TENM2: variants seen among roughly 807,000 people sequenced by gnomAD.
The protein encoded by TENM2 is teneurin transmembrane protein 2.
A neutral mutation model predicts 245.2 loss-of-function variants in TENM2; 52 were observed. That is an observed-to-expected ratio of 0.21 (90% confidence interval 0.17 to 0.27). The LOEUF (loss-of-function observed/expected upper bound fraction) is 0.27. Ranked by LOEUF, TENM2 falls within the 10% of genes least tolerant of loss-of-function variation. The pLI is 1.00. For missense variants in TENM2, 3,046 were observed against 3,666.8 expected (o/e 0.83, Z 4.37); for synonymous variants, 1,363 against 1,438.9 (o/e 0.95, Z 1.19).
rs547284715 is a variant in TENM2 at position 167,601,511 on chromosome 5, T to C, written c.502+226038T>C. ...AAAAACAGGACAGAGTATACACAAG[T>C]TTAATTTAACATTTACTCCGTGAGC... is the stretch of plus-strand genomic sequence containing the variant. On this transcript the variant is annotated intron_variant, in intron 2 of 28. Transcript: ENST00000518659. 9.2e-5 allele frequency among the ~76,000 whole-genome samples: 14 copies of C among 152,338 alleles called. No homozygotes were observed. The East Asian group carries it at 2.3e-3, about 25-fold the overall frequency.
chr5:168,090,871 A>G lies in TENM2; in HGVS notation c.1711+102A>G, dbSNP rs1464233699. The G allele has an allele frequency of 4.6e-5, 46 of 1,010,330 alleles. No homozygotes were observed. The East Asian group carries it at 1.1e-3, about 24-fold the overall frequency. 62.6% of individuals were successfully genotyped at this position (1,010,330 alleles called of 1,614,324 possible). ...TCTTCTAAGGTAGTTTCTACTACAG[A>G]TGACAACCAACCAGGATCCTTTGTT... On this transcript the variant is annotated intron_variant, in intron 8 of 28. Coordinates refer to ENST00000518659, the Ensembl canonical transcript of TENM2.
intron 13 of TENM2, among the ~76,000 whole-genome samples, chr5:168,168,720 T>A (rs1489297342): frequency 1.3e-5 from 2 of 151,974 alleles, no homozygotes; most frequent in Non-Finnish European, 2.9e-5. Context: ...GATATCTTTA[T>A]GTTTAGGTCC....
chr5:168,156,836 T>C (rs1433474732), intron 12 of TENM2, among the ~76,000 whole-genome samples: 1 of 152,198 alleles, frequency 6.6e-6, no homozygotes, highest in Non-Finnish European at 1.5e-5. Context: ...CAACTACTTA[T>C]TGAATACTGG....
intron 2 of TENM2, among the ~76,000 whole-genome samples, chr5:167,393,284 G>A (rs1761870319): frequency 6.6e-6 from 1 of 152,090 alleles, no homozygotes; most frequent in Admixed American, 6.6e-5. Flanking sequence ...AAATGGTATG[G>A]GAAAAAGAAG....
chr5:167,612,908 A>G (rs987330885), intron 2 of TENM2, among the ~76,000 whole-genome samples: 9 of 152,126 alleles, frequency 5.9e-5, no homozygotes, highest in African/African-American at 2.2e-4. Context: ...AGTTTCCAGT[A>G]ACAAAAATAG....
At chr5:167,573,296 A>G (rs1033694745) in intron 2 of TENM2, among the ~76,000 whole-genome samples, 5 of 152,186 alleles carry the variant, frequency 3.3e-5, no homozygotes, top group African/African-American at 7.2e-5. Flanking sequence ...TATACCACAC[A>G]GTTAAATGCC....
At chr5:168,090,475 G>T (rs930348584) in intron 7 of TENM2, 99 bp from the exon 10 acceptor site, 5 of 1,036,838 alleles carry the variant, frequency 4.8e-6, no homozygotes, top group South Asian at 3.7e-5. Flanking sequence ...TACAAAAAAG[G>T]TCTTTCTCCA....
intron 2 of TENM2, among the ~76,000 whole-genome samples, chr5:167,827,641 A>AGGGG (rs1768099072): frequency 4.8e-5 from 5 of 104,186 alleles, no homozygotes; most frequent in African/African-American, 1.8e-4. Flanking sequence ...GGGGGGGGGA[A>AGGGG]CAGTTTAATG....
chr5:167,871,389 C>T lies in TENM2; in HGVS notation c.503-4597C>T, dbSNP rs1194400055. The stretch of plus-strand genomic sequence containing the variant: ...CACTACCAATCTATCAGAGTTAGCA[C>T]AAAACTGGCTATCGGTACTTTAATC... On this transcript the variant is annotated intron_variant, in intron 2 of 28. Transcript: ENST00000518659. Among the ~76,000 whole-genome samples the T allele has an allele frequency of 3.3e-5, 5 of 151,250 alleles. 1 individual carries two copies. Among genetic ancestry groups the T allele is most frequent in the African/African-American group, 1.2e-4 (5 of 40,902 alleles).
intron 2 of TENM2, among the ~76,000 whole-genome samples, chr5:167,395,921 C>A (rs1762025672): frequency 1.3e-5 from 2 of 152,056 alleles, no homozygotes; most frequent in South Asian, 4.1e-4. Flanking sequence ...TCTCATACCC[C>A]TGTTAGGATG....
At chr5:167,835,486 C>T (rs1768905351) in intron 2 of TENM2, among the ~76,000 whole-genome samples, 1 of 152,128 alleles carries the variant, frequency 6.6e-6, no homozygotes, top group Admixed American at 6.5e-5. Flanking sequence ...CAAGAGTTGC[C>T]CTCTGCCCCT....
chr5:168,140,749 T>C (rs920059252), intron 12 of TENM2, among the ~76,000 whole-genome samples: 1 of 152,232 alleles, frequency 6.6e-6, no homozygotes, highest in Non-Finnish European at 1.5e-5. Flanking sequence ...TAATAATTTG[T>C]GCTGCTTGGG....
the TENM2 span, among the ~76,000 whole-genome samples, chr5:167,242,046 G>GTTTTTTTTTTTTT: frequency 3.0e-4 from 39 of 131,498 alleles, no homozygotes; most frequent in African/African-American, 1.1e-3. Flanking sequence ...TTTGTTTTTT[G>GTTTTTTTTTTTTT]TTTTTTTTTT....
chr5:168,230,102 A>C (rs182483478), intron 25 of TENM2, among the ~76,000 whole-genome samples: 4 of 152,214 alleles, frequency 2.6e-5, no homozygotes, highest in Admixed American at 2.6e-4. Flanking sequence ...TAATAATGGT[A>C]CTTGTGGTAA....
intron 25 of TENM2, among the ~76,000 whole-genome samples, chr5:168,242,027 A>G (rs1766148113): frequency 6.6e-6 from 1 of 152,138 alleles, no homozygotes; most frequent in South Asian, 2.1e-4. Context: ...CTCCAGCCCC[A>G]AAGTCACCTC....
intron 2 of TENM2, among the ~76,000 whole-genome samples, chr5:167,861,417 C>T (rs977884794): frequency 1.3e-5 from 2 of 152,190 alleles, no homozygotes; most frequent in Non-Finnish European, 2.9e-5. Flanking sequence ...GTGGAAATGA[C>T]AAACGTCTAC....
At chr5:167,427,131 A>G (rs1763876301) in intron 2 of TENM2, among the ~76,000 whole-genome samples, 1 of 151,822 alleles carries the variant, frequency 6.6e-6, no homozygotes, top group African/African-American at 2.4e-5. Flanking sequence ...AAAGAAAGAG[A>G]AAGAAAAAGA....
At chr5:168,123,135 G>T (rs2617975) in intron 10 of TENM2, among the ~76,000 whole-genome samples, 14,853 of 103,092 alleles carry the variant, frequency 0.14, 1,087 homozygotes, top group East Asian at 0.56. Flanking sequence ...CATTTCTAGA[G>T]AAAAAAAAAA....
At chr5:167,681,092 G>A (rs1329645895) in intron 2 of TENM2, among the ~76,000 whole-genome samples, 1 of 152,000 alleles carries the variant, frequency 6.6e-6, no homozygotes, top group South Asian at 2.1e-4. Flanking sequence ...CTTCAAAATG[G>A]GAATTTTTAC....
Sources: allele counts gnomAD v4.1 joint callset (sites outside exome capture counted in the v4.1 genomes callset), GRCh38; gene constraint gnomAD v4.1.1; transcripts MANE v1.5; gene names NCBI Gene and HGNC (gene_info 2026-07-23, HGNC 2026-07-21).